The following ZPLD1 variants were observed in gnomAD, a reference collection of about 807,000 sequenced individuals.
ZPLD1 encodes the protein zona pellucida like domain containing 1, also known as zona pellucida-like domain-containing protein 1.
ZPLD1 carries 34 observed loss-of-function variants against 47.2 expected under a neutral mutation model. That is an observed-to-expected ratio of 0.72 (90% CI 0.55 to 0.96). The LOEUF is 0.96. ZPLD1 is among the 40% of genes least tolerant of loss of function. The pLI is 0.00. For missense variants in ZPLD1, 512 were observed against 505.8 expected (o/e 1.01, Z -0.12); for synonymous variants, 176 against 186.2 (o/e 0.95, Z 0.45).
At chr3:102,466,472 C>G (rs1431160173) in intron 8 of ZPLD1, among the ~76,000 whole-genome samples, 1 of 151,986 alleles carries the variant, frequency 6.6e-6, no homozygotes, top group Middle Eastern at 3.2e-3. Context: ...TTAAACTCAC[C>G]AGAAAAATGC....
chr3:102,422,480 A>C (rs1706892260), intron 8 of ZPLD1, among the ~76,000 whole-genome samples: 1 of 152,086 alleles, frequency 6.6e-6, no homozygotes, highest in Admixed American at 6.6e-5. Flanking sequence ...GCTGATCTAA[A>C]TGCATAGCAT....
At chr3:102,469,255 G>A in intron 9 of ZPLD1, 120 bp downstream of exon 9, 1 of 1,076,152 alleles carries the variant, frequency 9.3e-7, no homozygotes, top group Non-Finnish European at 1.3e-6. Flanking sequence ...ATAGTTTGAA[G>A]TAGGATTTAT....
chr3:102,462,913 C>T (rs1197575524), intron 7 of ZPLD1, among the ~76,000 whole-genome samples: 3 of 151,886 alleles, frequency 2.0e-5, no homozygotes, highest in Non-Finnish European at 2.9e-5. Context: ...TCTAACCGTG[C>T]CCTATAAAAA....
intron 10 of ZPLD1, among the ~76,000 whole-genome samples, chr3:102,476,011 CAT>C (rs1353903356): frequency 6.6e-6 from 1 of 152,086 alleles, no homozygotes; most frequent in Non-Finnish European, 1.5e-5. Context: ...GTTTTAAGCA[CAT>C]GTTTACTCTG....
In ZPLD1 at chr3:102,452,962, G is replaced by A. The variant is rs1396287804; in HGVS notation, c.150G>A (p.Thr50=). ...ISVYCGVQAI[T]MKINFCTVLF... Reference sequence around the variant, plus strand: ...TCTATTGTGGAGTGCAGGCTATTACGATGAAGATTAATTTTTGCACGGTAC... The same window carrying A: ...TCTATTGTGGAGTGCAGGCTATTACAATGAAGATTAATTTTTGCACGGTAC... Residue 50 remains threonine (T), a synonymous_variant, in exon 4 of 12, where the codon ACG becomes ACA. Coordinates refer to ENST00000466937, the MANE Select transcript of ZPLD1 (RefSeq NM_001329788.2). The A allele has an allele frequency of 8.1e-6, 13 of 1,613,898 alleles. No homozygotes were observed. Among genetic ancestry groups the A allele is most frequent in the Admixed American group, 6.7e-5 (4 of 59,996 alleles).
intron 5 of ZPLD1, 56 bp downstream of exon 5, chr3:102,456,430 C>G: frequency 6.7e-7 from 1 of 1,495,160 alleles, no homozygotes; most frequent in South Asian, 1.2e-5. Flanking sequence ...TCAGGCATTT[C>G]GTATCTTTCA....
chr3:102,432,699 A>C (rs1707030685), upstream of ZPLD1, among the ~76,000 whole-genome samples: 1 of 151,040 alleles, frequency 6.6e-6, no homozygotes, highest in Non-Finnish European at 1.5e-5. Context: ...TATTCATCTG[A>C]AAAGGTTAAT....
In ZPLD1 at chr3:102,395,861, A is replaced by G. The variant is rs141805283; in HGVS notation, c.-157+3636A>G. Among the ~76,000 whole-genome samples, 193 of 152,304 alleles carry G rather than the reference A, an allele frequency of 1.3e-3. 1 individual carries two copies. Among genetic ancestry groups the G allele is most frequent in the African/African-American group, 4.3e-3 (179 of 41,564 alleles). On this transcript the variant is annotated intron_variant, in intron 7 of 17. Transcript: ENST00000491959. ...GTATATTCCTATCCTTTTAAATAGC[A>G]TAATTAAACTTGGAGCTCAAGTTTC... is the stretch of plus-strand genomic sequence containing the variant.
chr3:102,399,900 C>T (rs1472824856), intron 7 of ZPLD1, among the ~76,000 whole-genome samples: 1 of 151,592 alleles, frequency 6.6e-6, no homozygotes, highest in Non-Finnish European at 1.5e-5. Flanking sequence ...TTCACTGCAA[C>T]CTTTACATCC....
rs1330623566 is a variant in ZPLD1, at chr3:102,476,992, T to G, written c.1043-20T>G. ...TTGGAGAGATGATGTCACTTCTCTTTTTCTGTTTTTTCCCCTCAGATGAGA... is the reference window on the plus strand; with the variant it reads ...TTGGAGAGATGATGTCACTTCTCTTGTTCTGTTTTTTCCCCTCAGATGAGA... On this transcript the variant is annotated intron_variant, in intron 10 of 11. Coordinates refer to ENST00000466937, the MANE Select transcript of ZPLD1 (RefSeq NM_001329788.2). The G allele has an allele frequency of 3.7e-6, 6 of 1,612,804 alleles. No homozygotes were observed. The highest frequency in any genetic ancestry group is 4.2e-6 in the Non-Finnish European group (5 of 1,179,136).
At chr3:102,415,215 A>G (rs1051830567) in intron 7 of ZPLD1, among the ~76,000 whole-genome samples, 9 of 151,864 alleles carry the variant, frequency 5.9e-5, no homozygotes, top group Non-Finnish European at 1.3e-4. Flanking sequence ...TTTTGTAAGT[A>G]ACTGAAAAGC....
upstream of ZPLD1, among the ~76,000 whole-genome samples, chr3:102,430,445 A>G (rs1480864065): frequency 2.0e-5 from 3 of 152,124 alleles, no homozygotes; most frequent in Non-Finnish European, 4.4e-5. Context: ...CCCTCTGTCT[A>G]TAGTCTATAA....
Position 102,478,941 on chromosome 3 carries a change from A to C in ZPLD1, c.*1323A>C, listed in dbSNP as rs1299442800. 1 of 152,200 alleles carries C rather than the reference A, an allele frequency of 6.6e-6. No individual in the cohort carries two copies. The highest frequency in any genetic ancestry group is 2.4e-5 in the African/African-American group (1 of 41,452). 9.4% of individuals were successfully genotyped at this position (152,200 alleles called of 1,614,324 possible). A position where few individuals can be genotyped will look rare whatever the true frequency, so the allele number is the denominator to read the frequency against. ...TTCTATTCAACATTTGTGACCCATT[A>C]GTCCGGACTTAATTTACTATACTGC... On this transcript the variant is annotated 3_prime_UTR_variant, in exon 12 of 12. Coordinates refer to ENST00000466937, the MANE Select transcript of ZPLD1 (RefSeq NM_001329788.2).
rs538574220 is a variant in ZPLD1 at position 102,392,011 on chromosome 3, CAACA to C, written c.-212-155_-212-152del. 6.1e-4 allele frequency among the ~76,000 whole-genome samples: 93 copies of C among 152,248 alleles called. 1 individual carries two copies. The highest frequency in any genetic ancestry group is 6.8e-3 in the Middle Eastern group (2 of 294). On this transcript the variant is annotated intron_variant, in intron 6 of 17. Transcript: ENST00000491959. ...CTAATCAACTAACCAACCAACCAACCAACAAACCAATCAACCAAACAAACAACAA... is the reference window on the plus strand; with the variant it reads ...CTAATCAACTAACCAACCAACCAACCAACCAATCAACCAAACAAACAACAA...
upstream of ZPLD1, among the ~76,000 whole-genome samples, chr3:102,431,106 A>G (rs1707010925): frequency 6.6e-6 from 1 of 152,220 alleles, no homozygotes; most frequent in African/African-American, 2.4e-5. Context: ...TAAATGTTCT[A>G]AACTAAACAC....
intron 7 of ZPLD1, among the ~76,000 whole-genome samples, chr3:102,414,770 CA>C (rs199956969): frequency 6.7e-6 from 1 of 149,154 alleles, no homozygotes; most frequent in Non-Finnish European, 1.5e-5. Context: ...TGAAAATACC[CA>C]AAAAAAACAA....
intron 8 of ZPLD1, among the ~76,000 whole-genome samples, chr3:102,465,395 G>C (rs1043576075): frequency 6.6e-6 from 1 of 152,032 alleles, no homozygotes; most frequent in African/African-American, 2.4e-5. Context: ...TGTCCTATTG[G>C]TATTTCTATC....
chr3:102,436,340 T>G (rs1460483852), intron 1 of ZPLD1, among the ~76,000 whole-genome samples: 1 of 152,212 alleles, frequency 6.6e-6, no homozygotes, highest in African/African-American at 2.4e-5. Flanking sequence ...TGTCTCTTTT[T>G]TAAAAATAAT....
In ZPLD1 at chr3:102,469,122, C is replaced by A; in HGVS notation, c.920C>A (p.Pro307His). 1 of 1,610,790 alleles carries A rather than the reference C, an allele frequency of 6.2e-7. No homozygotes were observed. Among genetic ancestry groups the A allele is most frequent in the Non-Finnish European group, 8.5e-7 (1 of 1,178,874 alleles). ...VTKLCRADDCPFLMPICSHRE... is the reference protein window; with the variant it reads ...VTKLCRADDCHFLMPICSHRE... ...AAGCTCTGCAGAGCAGATGACTGCC[C>A]CTTCCTTATGCCGGTATGTTTTTAA... Residue 307 changes from proline (P) to histidine (H), a missense_variant, in exon 9 of 12, where the codon CCC becomes CAC. Pro to His is a moderately conservative substitution (Grantham distance 77). Transcript: ENST00000466937.
Sources: allele counts gnomAD v4.1 joint callset (sites outside exome capture counted in the v4.1 genomes callset), GRCh38; gene constraint gnomAD v4.1.1; transcripts MANE v1.5; gene names NCBI Gene and HGNC (gene_info 2026-07-23, HGNC 2026-07-21).